Variants in SYT2 observed in about 807,000 individuals in gnomAD.
SYT2 encodes the protein synaptotagmin-2.
Under a neutral mutation model 39.9 loss-of-function variants are expected in SYT2, and 15 were observed. The ratio of observed to expected loss-of-function variants is 0.38; its 90% CI spans 0.25 to 0.58. SYT2 has a LOEUF of 0.58. Ranked by LOEUF, SYT2 falls within the 20% of genes least tolerant of loss-of-function variation. The pLI is 0.70. For synonymous variants in SYT2, 181 were observed against 204.5 expected (o/e 0.89, Z 0.98); for missense variants, 389 against 530.3 (o/e 0.73, Z 2.62).
chr1:202,702,154 G>C (rs186935244), intron 1 of SYT2, among the ~76,000 whole-genome samples: 21 of 152,282 alleles, frequency 1.4e-4, no homozygotes, highest in Non-Finnish European at 5.9e-5. Context: ...GGGCACCCCT[G>C]CCACCCTCTA....
In SYT2 at chr1:202,698,297, C is replaced by T. The variant is rs149072958; in HGVS notation, c.-18+11961G>A. 8.5e-4 allele frequency among the ~76,000 whole-genome samples: 129 copies of T among 152,270 alleles called. 1 individual carries two copies. In the East Asian group the frequency reaches 0.014, roughly 17 times the overall value. ...AAGGTTGGCCAAGCTGGAGAAGGAG[C>T]CACGTGCCAGGGCAATCAATTACCC... On this transcript the variant is annotated intron_variant, in intron 1 of 8. Transcript: ENST00000367268.
rs1422893938 is a variant in SYT2 at position 202,602,411 on chromosome 1, C to T, written c.600G>A (p.Leu200=). 1.9e-6 allele frequency: 3 copies of T among 1,614,056 alleles called. No individual in the cohort carries two copies. Among genetic ancestry groups the T allele is most frequent in the Middle Eastern group, 1.6e-4 (1 of 6,084 alleles). ...TGAAGGTTTCATTGAAGGCAGGGTT[C>T]AGTGTCTTCCGATGGACTTTGGTCT... ...KYETKVHRKT[L]NPAFNETFTF... is the part of the protein sequence containing the mutation. The change falls in exon 5 of 9, where the codon CTG becomes CTA. Residue 200 remains leucine (L), a synonymous_variant. Transcript: ENST00000367268.
chr1:202,619,785 A>T (rs562627014), intron 1 of SYT2, among the ~76,000 whole-genome samples: 1 of 152,378 alleles, frequency 6.6e-6, no homozygotes, highest in South Asian at 2.1e-4. Context: ...CCTGGAGGGC[A>T]TCAGAGCAGG....
At chr1:202,627,479 A>C in intron 1 of SYT2, 1 of 985,360 alleles carries the variant, frequency 1.0e-6, no homozygotes, top group Non-Finnish European at 1.2e-6. Flanking sequence ...TCAGACCGTG[A>C]CACCCAGGGC....
intron 1 of SYT2, among the ~76,000 whole-genome samples, chr1:202,619,520 C>T (rs1691148355): frequency 6.6e-6 from 1 of 152,278 alleles, no homozygotes; most frequent in South Asian, 2.1e-4. Context: ...CATCAAGACC[C>T]CCTGGGGAAT....
intron 1 of SYT2, among the ~76,000 whole-genome samples, chr1:202,608,508 C>T (rs150235729): frequency 5.9e-5 from 9 of 152,256 alleles, no homozygotes; most frequent in African/African-American, 1.9e-4. Flanking sequence ...AGCTCCTGGC[C>T]TCAAGCAATC....
At chr1:202,622,879 C>G (rs1356157603) in intron 1 of SYT2, among the ~76,000 whole-genome samples, 2 of 152,220 alleles carry the variant, frequency 1.3e-5, no homozygotes, top group Non-Finnish European at 2.9e-5. Flanking sequence ...GGGACTCTTA[C>G]AGACAACGCA....
At chr1:202,626,191 G>A (rs1222984389) in intron 1 of SYT2, among the ~76,000 whole-genome samples, 2 of 152,104 alleles carry the variant, frequency 1.3e-5, no homozygotes, top group East Asian at 1.9e-4. Context: ...ACTACGATGC[G>A]GGTCACCTTA....
intron 1 of SYT2, among the ~76,000 whole-genome samples, chr1:202,661,752 G>T (rs1013590476): frequency 4.6e-5 from 7 of 152,214 alleles, no homozygotes; most frequent in African/African-American, 1.7e-4. Flanking sequence ...AAAGCGCAAA[G>T]GGCTTTCGAA....
At chr1:202,597,144 A>G (rs957376418) in intron 8 of SYT2, among the ~76,000 whole-genome samples, 181 bp from the exon 9 acceptor site, 5 of 152,208 alleles carry the variant, frequency 3.3e-5, no homozygotes, top group Non-Finnish European at 7.3e-5. Context: ...CGCCTTTGGC[A>G]GCCTTTGTTT....
intron 1 of SYT2, among the ~76,000 whole-genome samples, chr1:202,669,340 G>A (rs1175887293): frequency 6.6e-6 from 1 of 151,374 alleles, no homozygotes; most frequent in East Asian, 1.9e-4. Flanking sequence ...GCAACATAGT[G>A]AGACCTTGTC....
chr1:202,686,044 G>A (rs757877619), intron 1 of SYT2, among the ~76,000 whole-genome samples: 7 of 152,136 alleles, frequency 4.6e-5, no homozygotes, highest in Non-Finnish European at 8.8e-5. Flanking sequence ...ATGACCCTGG[G>A]CCCCTAATAT....
chr1:202,650,366 A>G (rs1692167218), intron 1 of SYT2, among the ~76,000 whole-genome samples: 2 of 151,962 alleles, frequency 1.3e-5, no homozygotes, highest in East Asian at 1.9e-4. Context: ...TATAAGGGGC[A>G]TAGCCTACGT....
intron 1 of SYT2, among the ~76,000 whole-genome samples, chr1:202,651,141 G>A (rs776921949): frequency 2.6e-5 from 4 of 152,042 alleles, no homozygotes; most frequent in Non-Finnish European, 5.9e-5. Context: ...GGAGTGTTGC[G>A]GCAGGTCAAG....
Position 202,614,636 on chromosome 1 carries a change from C to A in SYT2, c.-17-8847G>T, listed in dbSNP as rs1420366438. Among the ~76,000 whole-genome samples the A allele has an allele frequency of 6.6e-6, 1 of 152,194 alleles. No homozygotes were observed. The highest frequency in any genetic ancestry group is 1.5e-5 in the Non-Finnish European group (1 of 68,038). On this transcript the variant is annotated intron_variant, in intron 1 of 8. Transcript: ENST00000367268. This position sits in a 1 kb window ranked among gnomAD's most constrained non-coding sequence, Gnocchi z 4.0. The stretch of plus-strand genomic sequence containing the variant: ...TATAATGGGGCATACGTGAATTAAT[C>A]TGGGAAAGCAAAAGTGCTTTCTTGA...
chr1:202,617,287 G>C (rs573919140), intron 1 of SYT2, among the ~76,000 whole-genome samples: 33 of 152,298 alleles, frequency 2.2e-4, no homozygotes, highest in Non-Finnish European at 2.4e-4. Context: ...GGTGGGGCCT[G>C]GTGAGAGGTG....
chr1:202,691,099 C>G (rs1343514118), intron 1 of SYT2, among the ~76,000 whole-genome samples: 4 of 152,192 alleles, frequency 2.6e-5, no homozygotes, highest in Admixed American at 2.6e-4. Context: ...CACTTGGCAT[C>G]TCTGAAGGGA....
intron 1 of SYT2, among the ~76,000 whole-genome samples, chr1:202,622,820 C>A (rs562061947): frequency 1.7e-4 from 26 of 152,290 alleles, no homozygotes; most frequent in Admixed American, 1.3e-3. Context: ...GGCATGGATA[C>A]CCTTAAATCA....
intron 1 of SYT2, among the ~76,000 whole-genome samples, chr1:202,638,056 C>G (rs186099288): frequency 1.3e-5 from 2 of 152,358 alleles, no homozygotes; most frequent in East Asian, 3.9e-4. Context: ...ATGAGCCCTT[C>G]CTGCTGCAGT....
Sources: gnomAD v4.1 joint callset for allele counts (sites outside exome capture counted in the v4.1 genomes callset) on GRCh38, gnomAD v4.1.1 for gene constraint, Gnocchi (gnomAD v3.1) non-coding constraint, MANE v1.5 for transcripts, NCBI Gene and HGNC (gene_info 2026-07-23, HGNC 2026-07-21) for gene names.